DPY19L1: variants seen among roughly 807,000 people sequenced by gnomAD.
The protein encoded by DPY19L1 is protein C-mannosyl-transferase DPY19L1.
In DPY19L1, 35 loss-of-function variants were observed where a neutral mutation model predicts 96.9. That is an observed-to-expected ratio of 0.36 (90% CI 0.28 to 0.48). The LOEUF (loss-of-function observed/expected upper bound fraction) is 0.48. DPY19L1 is among the 20% of genes least tolerant of loss of function. DPY19L1 has a pLI of 0.99. For missense variants in DPY19L1, 521 were observed against 777.9 expected (o/e 0.67, Z 3.93); for synonymous variants, 205 against 252.6 (o/e 0.81, Z 1.79).
rs1784231431 is a variant in DPY19L1 at position 34,949,733 on chromosome 7, G to A, written c.1422+64C>T. On this transcript the variant is annotated intron_variant, in intron 14 of 21. Coordinates refer to ENST00000638088, the MANE Select transcript of DPY19L1 (RefSeq NM_001366673.1). ...ACATAAAGAGTCTGATATAAGAGGA[G>A]CACTCCTTATGAAAAATGTATGGGC... 4.0e-6 allele frequency: 4 copies of A among 987,684 alleles called. No individual in the cohort carries two copies. The South Asian group carries it at 4.4e-5, about 11-fold the overall frequency. 61.2% of individuals were successfully genotyped at this position (987,684 alleles called of 1,614,324 possible). A position where few individuals can be genotyped will look rare whatever the true frequency, so the allele number is the denominator to read the frequency against.
chr7:34,997,637 G>C (rs558801113), intron 6 of DPY19L1, among the ~76,000 whole-genome samples: 1 of 144,534 alleles, frequency 6.9e-6, no homozygotes, highest in East Asian at 2.0e-4. Flanking sequence ...AAAAAAAGTA[G>C]CTGGAAAACT....
chr7:34,946,770 G>A (rs1190434238), intron 15 of DPY19L1, among the ~76,000 whole-genome samples: 1 of 152,190 alleles, frequency 6.6e-6, no homozygotes, highest in Non-Finnish European at 1.5e-5. Context: ...GACATGATGC[G>A]AGGCTCCTAA....
chr7:34,941,437 A>G (rs1784012774), intron 18 of DPY19L1, among the ~76,000 whole-genome samples: 1 of 152,264 alleles, frequency 6.6e-6, no homozygotes, highest in Non-Finnish European at 1.5e-5. Flanking sequence ...ACCTGAAATT[A>G]TTAGATTTCT....
chr7:34,937,418 C>G (rs1196097572), intron 21 of DPY19L1, among the ~76,000 whole-genome samples: 2 of 152,096 alleles, frequency 1.3e-5, no homozygotes, highest in African/African-American at 4.8e-5. Flanking sequence ...AAGAGACTCC[C>G]CATTACTTGG....
At chr7:35,009,222 T>C (rs1785641648) in intron 6 of DPY19L1, among the ~76,000 whole-genome samples, 1 of 152,212 alleles carries the variant, frequency 6.6e-6, no homozygotes, top group Non-Finnish European at 1.5e-5. Context: ...TTTGAGGTAC[T>C]AAACTGAAAA....
At chr7:35,006,393 T>C (rs1333223467) in intron 6 of DPY19L1, among the ~76,000 whole-genome samples, 2 of 152,214 alleles carry the variant, frequency 1.3e-5, no homozygotes, top group Non-Finnish European at 2.9e-5. Context: ...AAGTTTTTTG[T>C]ATTTATCAAT....
rs74941859 is a variant in DPY19L1, at chr7:34,946,417, C to A, written c.1495-701G>T. On this transcript the variant is annotated intron_variant, in intron 15 of 21. Coordinates refer to ENST00000638088, the MANE Select transcript of DPY19L1 (RefSeq NM_001366673.1). Reference sequence around the variant, plus strand: ...CTTATTTTCAAGGCACAGGCTTTTACCATATTTCAAAGTAATTATCCGCTT... The same window carrying A: ...CTTATTTTCAAGGCACAGGCTTTTAACATATTTCAAAGTAATTATCCGCTT... Among the ~76,000 whole-genome samples the A allele has an allele frequency of 8.2e-3, 1,253 of 152,292 alleles. 21 individuals carry two copies. The highest frequency in any genetic ancestry group is 0.029 in the African/African-American group (1,199 of 41,564).
At chr7:35,003,031 A>T (rs1431069223) in intron 6 of DPY19L1, among the ~76,000 whole-genome samples, 2 of 152,162 alleles carry the variant, frequency 1.3e-5, no homozygotes, top group Non-Finnish European at 2.9e-5. Flanking sequence ...CGGCCTCCCA[A>T]AATGCTGGGA....
chr7:35,021,139 T>C (rs940599221), intron 1 of DPY19L1, among the ~76,000 whole-genome samples: 3 of 152,188 alleles, frequency 2.0e-5, no homozygotes, highest in Non-Finnish European at 4.4e-5. Flanking sequence ...TTCTGGTAAA[T>C]GGGGGCACTC....
intron 3 of DPY19L1, 26 bp downstream of exon 3, chr7:35,017,856 T>C (rs753975274): frequency 5.3e-6 from 8 of 1,506,774 alleles, no homozygotes; most frequent in South Asian, 2.4e-5. Flanking sequence ...TAAAGTACTA[T>C]GATGAAATCC....
intron 6 of DPY19L1, among the ~76,000 whole-genome samples, chr7:34,993,840 A>C (rs1252115588): frequency 6.6e-6 from 1 of 151,828 alleles, no homozygotes; most frequent in Non-Finnish European, 1.5e-5. Context: ...CAAGTGGATC[A>C]CTTGAGGCCA....
At chr7:34,998,442 A>C (rs574968663) in intron 6 of DPY19L1, among the ~76,000 whole-genome samples, 1 of 152,318 alleles carries the variant, frequency 6.6e-6, no homozygotes, top group South Asian at 2.1e-4. Context: ...GGATGAAGTA[A>C]GGAAAAGGGA....
At chr7:35,030,980 C>T (rs528506642) in intron 1 of DPY19L1, among the ~76,000 whole-genome samples, 1 of 152,270 alleles carries the variant, frequency 6.6e-6, no homozygotes, top group South Asian at 2.1e-4. Context: ...ATAAAACTAG[C>T]AGCCTCTTCC....
At chr7:35,020,428 T>C (rs746705139) in intron 1 of DPY19L1, among the ~76,000 whole-genome samples, 2 of 152,214 alleles carry the variant, frequency 1.3e-5, no homozygotes, top group Non-Finnish European at 2.9e-5. Context: ...TGTGTATATA[T>C]ACATAACATA....
At chr7:35,026,925 G>A (rs1050552801) in intron 1 of DPY19L1, among the ~76,000 whole-genome samples, 1 of 152,182 alleles carries the variant, frequency 6.6e-6, no homozygotes, top group African/African-American at 2.4e-5. Flanking sequence ...GGCCAGGCAT[G>A]GTGGCTCATG....
At chr7:35,016,002 T>C (rs1584257200) in intron 3 of DPY19L1, among the ~76,000 whole-genome samples, 1 of 151,814 alleles carries the variant, frequency 6.6e-6, no homozygotes, top group East Asian at 1.9e-4. Context: ...ATCAAATAAG[T>C]AAAAAAAAAT....
intron 1 of DPY19L1, among the ~76,000 whole-genome samples, chr7:35,033,712 T>G (rs1786318930): frequency 6.6e-6 from 1 of 152,132 alleles, no homozygotes; most frequent in Non-Finnish European, 1.5e-5. Context: ...GATTCAACTC[T>G]CTGCCTCCAC....
At chr7:34,983,833 C>T (rs893608116) in intron 7 of DPY19L1, among the ~76,000 whole-genome samples, 36 of 152,026 alleles carry the variant, frequency 2.4e-4, no homozygotes, top group African/African-American at 8.2e-4. Flanking sequence ...AGAAATTTTC[C>T]AAAACTGATT....
chr7:34,976,591 A>T (rs530555660), intron 7 of DPY19L1, among the ~76,000 whole-genome samples: 3 of 152,354 alleles, frequency 2.0e-5, no homozygotes, highest in Admixed American at 1.3e-4. Flanking sequence ...AACGCTATCA[A>T]ACAGCATCAC....
Sources: allele counts gnomAD v4.1 joint callset (sites outside exome capture counted in the v4.1 genomes callset), GRCh38; gene constraint gnomAD v4.1.1; transcripts MANE v1.5; gene names NCBI Gene and HGNC (gene_info 2026-07-23, HGNC 2026-07-21).